INSC: variants seen among roughly 807,000 people sequenced by gnomAD.
The protein encoded by INSC is protein inscuteable homolog.
A neutral mutation model predicts 58.6 loss-of-function variants in INSC; 67 were observed. That is an observed-to-expected ratio of 1.14 (90% CI 0.94 to 1.40). INSC has a LOEUF of 1.40. INSC is among the 40% of genes most tolerant of loss of function. The probability of loss-of-function intolerance (pLI) is 0.00; values close to 1 mark genes in which losing one functional copy is unlikely to be tolerated. For synonymous variants in INSC, 262 were observed against 276.1 expected (o/e 0.95, Z 0.51); for missense variants, 714 against 692.0 (o/e 1.03, Z -0.36).
the INSC span, among the ~76,000 whole-genome samples, chr11:15,261,062 T>G: frequency 6.6e-6 from 1 of 152,158 alleles, no homozygotes; most frequent in Admixed American, 6.5e-5. Context: ...ACTTTGTTAG[T>G]GAAAATTCTG....
At chr11:15,187,322 T>C (rs1850006515) in intron 5 of INSC, among the ~76,000 whole-genome samples, 1 of 152,224 alleles carries the variant, frequency 6.6e-6, no homozygotes, top group Non-Finnish European at 1.5e-5. Context: ...GGAAGGGGAA[T>C]TAGAACTCAT....
intron 2 of INSC, among the ~76,000 whole-genome samples, chr11:15,166,763 A>G (rs1849211565): frequency 6.6e-6 from 1 of 152,224 alleles, no homozygotes; most frequent in Non-Finnish European, 1.5e-5. Flanking sequence ...GAATCAAACA[A>G]TGACTGCTTT....
downstream of INSC, among the ~76,000 whole-genome samples, chr11:15,247,607 A>G (rs773456424): frequency 5.3e-5 from 8 of 152,108 alleles, no homozygotes; most frequent in Non-Finnish European, 8.8e-5. Flanking sequence ...TTTTACAGAG[A>G]AGAAACAGAG....
chr11:15,228,098 T>C (rs1800218370), intron 9 of INSC, among the ~76,000 whole-genome samples: 1 of 152,218 alleles, frequency 6.6e-6, no homozygotes, highest in East Asian at 1.9e-4. Flanking sequence ...AAACTCTTGG[T>C]ACAGACTCTG....
chr11:15,218,411 A>G (rs970929697), intron 7 of INSC, among the ~76,000 whole-genome samples: 8 of 152,216 alleles, frequency 5.3e-5, no homozygotes, highest in Non-Finnish European at 7.3e-5. Flanking sequence ...CCCATCCAGC[A>G]GGAGAAATCA....
intron 2 of INSC, among the ~76,000 whole-genome samples, chr11:15,172,417 C>A (rs916859715): frequency 3.3e-5 from 5 of 152,184 alleles, no homozygotes; most frequent in Admixed American, 2.0e-4. Flanking sequence ...AATGGGCATA[C>A]ATTTTCTGAA....
At chr11:15,245,817 C>T (rs1852540032) in intron 12 of INSC, 95 bp from the exon 13 acceptor site, 1 of 1,478,618 alleles carries the variant, frequency 6.8e-7, no homozygotes, top group African/African-American at 1.4e-5. Flanking sequence ...AAATGCACCA[C>T]TTTCTGAAAT....
chr11:15,122,416 G>A (rs959910472), intron 1 of INSC, among the ~76,000 whole-genome samples: 5 of 152,188 alleles, frequency 3.3e-5, no homozygotes, highest in South Asian at 2.1e-4. Context: ...CACAGTGACC[G>A]GTGAATGCAG....
intron 1 of INSC, among the ~76,000 whole-genome samples, chr11:15,135,403 A>G (rs58149823): frequency 0.036 from 5,414 of 152,308 alleles, 177 homozygotes; most frequent in African/African-American, 0.082. Flanking sequence ...TCCAAACATA[A>G]AGGATTCTTT....
At chr11:15,222,849 C>T (rs1422856025) in intron 8 of INSC, among the ~76,000 whole-genome samples, 2 of 152,126 alleles carry the variant, frequency 1.3e-5, no homozygotes, top group African/African-American at 2.4e-5. Context: ...AACATGGAAG[C>T]CCATTGTTGA....
chr11:15,208,600 T>A (rs1850899807), intron 7 of INSC, among the ~76,000 whole-genome samples: 1 of 152,226 alleles, frequency 6.6e-6, no homozygotes, highest in Non-Finnish European at 1.5e-5. Context: ...TCTCCCCTTC[T>A]AACAAAGACC....
intron 1 of INSC, among the ~76,000 whole-genome samples, chr11:15,123,480 G>A (rs1225550168): frequency 2.0e-5 from 3 of 152,280 alleles, no homozygotes; most frequent in East Asian, 3.9e-4. Context: ...GAACCATTCA[G>A]TGGAATAAAA....
the INSC span, among the ~76,000 whole-genome samples, chr11:15,257,523 G>A: frequency 2.0e-3 from 308 of 151,080 alleles, 1 homozygote; most frequent in African/African-American, 6.9e-3. Context: ...TGAATTTTAC[G>A]CCCCCAAAAT....
intron 10 of INSC, 26 bp downstream of exon 10, chr11:15,235,694 T>C: frequency 6.4e-7 from 1 of 1,573,530 alleles, no homozygotes; most frequent in South Asian, 1.1e-5. Context: ...ATTGTACATG[T>C]TATGTGGATT....
At chr11:15,243,267 C>T (rs1852427611) in intron 12 of INSC, among the ~76,000 whole-genome samples, 1 of 152,178 alleles carries the variant, frequency 6.6e-6, no homozygotes, top group African/African-American at 2.4e-5. Flanking sequence ...AGCCACCATT[C>T]CTGCTCTTCC....
intron 9 of INSC, among the ~76,000 whole-genome samples, chr11:15,233,936 A>G (rs1457886280): frequency 6.6e-6 from 1 of 152,156 alleles, no homozygotes; most frequent in Admixed American, 6.5e-5. Context: ...AAGAATGTGC[A>G]CACGATGCCT....
In INSC at chr11:15,191,804, C is replaced by T. The variant is rs947146464; in HGVS notation, c.693+990C>T. On this transcript the variant is annotated intron_variant, in intron 6 of 12. Coordinates refer to ENST00000379556, the MANE Select transcript of INSC (RefSeq NM_001042536.3). ...AGTGCCCTTAGTCTCTTTTTGTGTC[C>T]GCTTAGAATCTTGTGAACCTCAGCA... Among the ~76,000 whole-genome samples the T allele has an allele frequency of 2.6e-5, 4 of 152,136 alleles. No individual in the cohort carries two copies. In the South Asian group the frequency reaches 6.2e-4, roughly 24 times the overall value.
At chr11:15,256,821 A>G in the INSC span, among the ~76,000 whole-genome samples, 2 of 152,060 alleles carry the variant, frequency 1.3e-5, no homozygotes, top group African/African-American at 4.8e-5. Flanking sequence ...ACTAGCCATC[A>G]AAAGACAATG....
At chr11:15,208,358 ACT>A (rs113351952) in intron 7 of INSC, among the ~76,000 whole-genome samples, 9,239 of 152,112 alleles carry the variant, frequency 0.061, 538 homozygotes, top group African/African-American at 0.15. Flanking sequence ...CTGTGCTGTG[ACT>A]CTGGCTGACA....
Sources: allele counts gnomAD v4.1 joint callset (sites outside exome capture counted in the v4.1 genomes callset), GRCh38; gene constraint gnomAD v4.1.1; transcripts MANE v1.5; gene names NCBI Gene and HGNC (gene_info 2026-07-23, HGNC 2026-07-21).